RBFOX1: variants seen among roughly 807,000 people sequenced by gnomAD.
RBFOX1 encodes RNA binding fox-1 homolog 1, also known as RNA binding protein fox-1 homolog 1.
RBFOX1 carries 8 observed loss-of-function variants against 57.7 expected under a neutral mutation model. The observed-to-expected ratio is 0.14, with a 90% CI of 0.08 to 0.25. The LOEUF (loss-of-function observed/expected upper bound fraction) is 0.25, where lower values mean the gene tolerates loss of function less well. Among genes scored for constraint, RBFOX1 ranks in the 10% least tolerant of loss-of-function variants. The pLI is 1.00. For synonymous variants in RBFOX1, 326 were observed against 222.4 expected, an observed-to-expected ratio of 1.47 and a Z score of -4.15; for missense variants, 611 against 548.5, an observed-to-expected ratio of 1.11 and a Z score of -1.14.
chr16:6,529,924 G>A (rs903197935), intron 2 of RBFOX1, among the ~76,000 whole-genome samples: 3 of 152,096 alleles, frequency 2.0e-5, no homozygotes, highest in African/African-American at 7.2e-5. Flanking sequence ...ATTCAGAATT[G>A]CATATTCTTC....
intron 3 of RBFOX1, among the ~76,000 whole-genome samples, chr16:6,932,434 A>C (rs2076714072): frequency 6.6e-6 from 1 of 152,164 alleles, no homozygotes; most frequent in African/African-American, 2.4e-5. Context: ...GTCTCACCTC[A>C]CAATACCATT....
intron 2 of RBFOX1, among the ~76,000 whole-genome samples, chr16:6,546,999 GAGCTT>G (rs1409840845): frequency 6.6e-6 from 1 of 152,190 alleles, no homozygotes; most frequent in African/African-American, 2.4e-5. Flanking sequence ...GACTCAAAGT[GAGCTT>G]AGCCAGGAGA....
At chr16:6,539,148 A>G (rs1318325432) in intron 2 of RBFOX1, among the ~76,000 whole-genome samples, 4 of 151,666 alleles carry the variant, frequency 2.6e-5, no homozygotes, top group Non-Finnish European at 5.9e-5. Context: ...AAATTTGCCC[A>G]TGGTATGACT....
At chr16:5,814,837 G>C (rs188939048) in intron 3 of RBFOX1, among the ~76,000 whole-genome samples, 3,028 of 152,256 alleles carry the variant, frequency 0.02, 123 homozygotes, top group African/African-American at 0.069. Context: ...GCTGAGGCAG[G>C]AGAATGGCGT....
intron 3 of RBFOX1, among the ~76,000 whole-genome samples, chr16:6,910,147 C>A (rs1185296267): frequency 6.6e-6 from 1 of 151,852 alleles, no homozygotes. Context: ...TCTAGCGGGG[C>A]TTTGATGGAA....
chr16:6,709,115 A>G (rs1197028474), intron 3 of RBFOX1, among the ~76,000 whole-genome samples: 4 of 152,182 alleles, frequency 2.6e-5, no homozygotes, highest in East Asian at 1.9e-4. Flanking sequence ...TATGTCATAT[A>G]AATGTAACAG....
intron 3 of RBFOX1, among the ~76,000 whole-genome samples, chr16:6,670,102 A>G (rs556387618): frequency 2.6e-5 from 4 of 152,188 alleles, no homozygotes; most frequent in South Asian, 2.1e-4. Flanking sequence ...GCTCACTGCA[A>G]CCTCACCCTC....
intron 4 of RBFOX1, among the ~76,000 whole-genome samples, chr16:7,088,673 CTTA>C (rs1243183790): frequency 6.6e-6 from 1 of 152,040 alleles, no homozygotes; most frequent in Non-Finnish European, 1.5e-5. Context: ...GAAAAAATTA[CTTA>C]TTATGTTTTG....
At chr16:5,442,762 G>A (rs2068122699) in intron 1 of RBFOX1, among the ~76,000 whole-genome samples, 1 of 152,170 alleles carries the variant, frequency 6.6e-6, no homozygotes, top group African/African-American at 2.4e-5. Flanking sequence ...TCCAAAAGCA[G>A]GTGCTGTCAT....
rs367716762 is a variant in RBFOX1 at position 7,547,913 on chromosome 16, C to T, written c.270+29524C>T. On this transcript the variant is annotated intron_variant, in intron 5 of 15. Coordinates refer to ENST00000550418, the MANE Select transcript of RBFOX1 (RefSeq NM_018723.4). ...GAATGGATACCACCAGCCGTGTTCC[C>T]GTTTGGCTTTGCTCCTTGGTAATGG... 3.9e-5 allele frequency among the ~76,000 whole-genome samples: 6 copies of T among 152,274 alleles called. No homozygotes were observed. In the East Asian group the frequency reaches 9.7e-4, roughly 25 times the overall value.
intron 4 of RBFOX1, among the ~76,000 whole-genome samples, chr16:5,967,897 G>A (rs749498415): frequency 1.3e-5 from 2 of 152,128 alleles, no homozygotes; most frequent in Non-Finnish European, 1.5e-5. Context: ...TGCTTTGCAT[G>A]TGGTATCCCT....
At chr16:6,017,763 G>A (rs1354814673), upstream of RBFOX1, among the ~76,000 whole-genome samples, 1 of 152,192 alleles carries the variant, frequency 6.6e-6, no homozygotes, top group South Asian at 2.1e-4. Flanking sequence ...CGATAGGATT[G>A]CAAGAGGAAC....
intron 1 of RBFOX1, among the ~76,000 whole-genome samples, chr16:5,349,533 C>G (rs930392426): frequency 6.6e-6 from 1 of 151,990 alleles, no homozygotes; most frequent in East Asian, 1.9e-4. Flanking sequence ...ATTAGCCGGG[C>G]GTGGTGGCAT....
chr16:6,294,097 G>C (rs1049742145), intron 1 of RBFOX1, among the ~76,000 whole-genome samples: 1 of 152,194 alleles, frequency 6.6e-6, no homozygotes, highest in Non-Finnish European at 1.5e-5. Context: ...CAGGAGGATT[G>C]CTTGAGCCTA....
At chr16:7,116,768 G>A (rs2065989313) in intron 4 of RBFOX1, among the ~76,000 whole-genome samples, 1 of 152,216 alleles carries the variant, frequency 6.6e-6, no homozygotes, top group Middle Eastern at 3.4e-3. Flanking sequence ...GACAGGTATT[G>A]ACCACCTCCT....
chr16:6,062,558 G>A (rs2095701330), intron 1 of RBFOX1, among the ~76,000 whole-genome samples: 1 of 147,572 alleles, frequency 6.8e-6, no homozygotes, highest in African/African-American at 2.5e-5. Context: ...ATCTATATAT[G>A]TATATATAAC....
intron 4 of RBFOX1, among the ~76,000 whole-genome samples, chr16:7,189,587 A>ACACACACACG (rs34972431): frequency 1.4e-5 from 2 of 142,216 alleles, no homozygotes; most frequent in East Asian, 4.2e-4. Context: ...ACACACACAC[A>ACACACACACG]TACACACACA....
At chr16:6,662,026 C>T (rs189566609) in intron 3 of RBFOX1, among the ~76,000 whole-genome samples, 1 of 151,934 alleles carries the variant, frequency 6.6e-6, no homozygotes, top group Admixed American at 6.6e-5. Flanking sequence ...TGAAGTAAGC[C>T]ACACACAGAA....
intron 1 of RBFOX1, among the ~76,000 whole-genome samples, chr16:5,334,839 C>T (rs1276177043): frequency 6.6e-6 from 1 of 151,514 alleles, no homozygotes; most frequent in Non-Finnish European, 1.5e-5. Flanking sequence ...CATCTTTAAG[C>T]ATGGACACAT....
Sources: gnomAD v4.1 joint callset for allele counts (sites outside exome capture counted in the v4.1 genomes callset) on GRCh38, gnomAD v4.1.1 for gene constraint, MANE v1.5 for transcripts, NCBI Gene and HGNC (gene_info 2026-07-23, HGNC 2026-07-21) for gene names.